Variants in CCSER1 observed in about 807,000 individuals in gnomAD.
CCSER1 encodes the protein serine-rich coiled-coil domain-containing protein 1.
CCSER1 carries 41 observed loss-of-function variants against 82.0 expected under a neutral mutation model. The ratio of observed to expected loss-of-function variants is 0.50; its 90% CI spans 0.39 to 0.65. The LOEUF is 0.65. Ranked by LOEUF, CCSER1 falls within the 30% of genes least tolerant of loss-of-function variation. The pLI is 0.00. For synonymous variants in CCSER1, 414 were observed against 383.9 expected (o/e 1.08, Z -0.92); for missense variants, 1,119 against 1,064.2 (o/e 1.05, Z -0.72).
At chr4:90,138,339 G>A (rs999734672) in intron 1 of CCSER1, among the ~76,000 whole-genome samples, 1 of 151,994 alleles carries the variant, frequency 6.6e-6, no homozygotes, top group African/African-American at 2.4e-5. Context: ...TTACAGGTGC[G>A]CCCCACTACG....
intron 10 of CCSER1, among the ~76,000 whole-genome samples, chr4:91,279,331 T>C (rs1206567441): frequency 1.3e-5 from 2 of 152,166 alleles, no homozygotes; most frequent in Non-Finnish European, 2.9e-5. Context: ...TAAGTGTGTT[T>C]TGTATTCCTT....
chr4:90,141,019 G>GGT (rs1724670343), intron 1 of CCSER1, among the ~76,000 whole-genome samples: 2 of 57,022 alleles, frequency 3.5e-5, no homozygotes, highest in Non-Finnish European at 6.7e-5. Context: ...AACCCAGCAA[G>GGT]ATATCTATCT....
intron 3 of CCSER1, among the ~76,000 whole-genome samples, chr4:90,393,772 CTTTTTTTTT>C (rs997027362): frequency 6.3e-5 from 7 of 111,360 alleles, no homozygotes; most frequent in African/African-American, 1.5e-4. Flanking sequence ...TTATATCTTC[CTTTTTTTTT>C]TTTTTTTTTT....
At chr4:90,973,204 A>T (rs923389123) in intron 9 of CCSER1, among the ~76,000 whole-genome samples, 2 of 151,746 alleles carry the variant, frequency 1.3e-5, no homozygotes, top group Admixed American at 6.6e-5. Flanking sequence ...TAGCAAAGAA[A>T]ACAATCAACA....
At chr4:90,889,251 C>T (rs10006457) in intron 8 of CCSER1, among the ~76,000 whole-genome samples, 4,024 of 152,196 alleles carry the variant, frequency 0.026, 72 homozygotes, top group African/African-American at 0.045. Flanking sequence ...CAGAGAATCT[C>T]GGAACCTGCC....
chr4:90,551,706 C>CTCTCTCTCTCTCTCTCTCTCTATA, intron 5 of CCSER1, among the ~76,000 whole-genome samples: 10 of 104,242 alleles, frequency 9.6e-5, no homozygotes, highest in African/African-American at 4.1e-4. Context: ...CTCTCTCTCT[C>CTCTCTCTCTCTCTCTCTCTCTATA]TATATATATA....
At chr4:91,241,539 G>A (rs566169062) in intron 10 of CCSER1, among the ~76,000 whole-genome samples, 1 of 147,618 alleles carries the variant, frequency 6.8e-6, no homozygotes, top group Non-Finnish European at 1.5e-5. Flanking sequence ...TGTTAGCCAG[G>A]ATGGTCTCGA....
intron 10 of CCSER1, among the ~76,000 whole-genome samples, chr4:91,149,488 T>A (rs1219262754): frequency 6.6e-6 from 1 of 152,238 alleles, no homozygotes; most frequent in Non-Finnish European, 1.5e-5. Context: ...TATAATTAGA[T>A]CCCATTTGTC....
chr4:90,816,392 TATC>T (rs780999197), intron 8 of CCSER1, among the ~76,000 whole-genome samples: 53 of 152,260 alleles, frequency 3.5e-4, no homozygotes, highest in Non-Finnish European at 6.2e-4. Flanking sequence ...TTTAATGTAA[TATC>T]ATGAAAGAAA....
chr4:90,130,966 G>A (rs1165077320), intron 1 of CCSER1, among the ~76,000 whole-genome samples: 2 of 151,876 alleles, frequency 1.3e-5, no homozygotes, highest in Admixed American at 1.3e-4. Context: ...CATTTAAGAA[G>A]ACAAATCTTT....
intron 10 of CCSER1, among the ~76,000 whole-genome samples, chr4:91,567,466 C>T (rs143384985): frequency 1.4e-4 from 21 of 152,056 alleles, no homozygotes; most frequent in African/African-American, 4.8e-4. Context: ...TTATCTAATA[C>T]TGTCAGTGAA....
At chr4:90,404,055 G>T (rs1266312532) in intron 4 of CCSER1, 3 of 152,204 alleles carry the variant, frequency 2.0e-5, no homozygotes, top group Non-Finnish European at 4.4e-5. Flanking sequence ...GAGGCTCGTG[G>T]TCCGGGGCAA....
intron 10 of CCSER1, among the ~76,000 whole-genome samples, chr4:91,364,174 G>A (rs1655423694): frequency 1.3e-5 from 2 of 152,080 alleles, no homozygotes; most frequent in East Asian, 1.9e-4. Context: ...TTGATTTATT[G>A]TTTGATTATA....
intron 1 of CCSER1, among the ~76,000 whole-genome samples, chr4:90,140,771 T>A (rs1230584132): frequency 1.3e-5 from 2 of 150,482 alleles, no homozygotes; most frequent in Non-Finnish European, 2.9e-5. Context: ...TTCAAGGGAT[T>A]CTCCTGCCTC....
chr4:90,406,619 T>C (rs1578311772), intron 4 of CCSER1, among the ~76,000 whole-genome samples: 1 of 152,270 alleles, frequency 6.6e-6, no homozygotes, highest in Non-Finnish European at 1.5e-5. Flanking sequence ...TAAACAAGTC[T>C]CAGTAAATTT....
intron 9 of CCSER1, among the ~76,000 whole-genome samples, chr4:90,965,004 T>C (rs1561426356): frequency 6.6e-6 from 1 of 152,018 alleles, no homozygotes; most frequent in African/African-American, 2.4e-5. Context: ...GCCTTATCTA[T>C]GTGGAGCTAC....
rs1734934472 is a variant in CCSER1, at chr4:90,309,557, C to A, written c.1273C>A (p.His425Asn). The change falls in exon 2 of 11, where the codon CAT (histidine) becomes AAT (asparagine). Residue 425 changes from histidine (H) to asparagine (N), a missense_variant. Physicochemically the swap from His to Asn is moderately conservative, Grantham distance 68 (BLOSUM62 1). Transcript: ENST00000509176. ...AAAGATAATACCTACTTCTGGTGATCATCATATTTTTAACAAAACATCACA... is the reference window on the plus strand; with the variant it reads ...AAAGATAATACCTACTTCTGGTGATAATCATATTTTTAACAAAACATCACA... ...DSKIIPTSGD[H>N]HIFNKTSHGY... 6.2e-7 allele frequency: 1 copy of A among 1,605,784 alleles called. No individual in the cohort carries two copies. The highest frequency in any genetic ancestry group is 1.3e-5 in the African/African-American group (1 of 74,436).
At chr4:91,439,701 G>C (rs1433782549) in intron 10 of CCSER1, among the ~76,000 whole-genome samples, 5 of 152,024 alleles carry the variant, frequency 3.3e-5, no homozygotes, top group Non-Finnish European at 7.4e-5. Flanking sequence ...CCATCAGTGT[G>C]CTGTATTCAG....
At chr4:90,216,832 C>G (rs1420236040) in intron 1 of CCSER1, among the ~76,000 whole-genome samples, 1 of 152,090 alleles carries the variant, frequency 6.6e-6, no homozygotes, top group Admixed American at 6.6e-5. Flanking sequence ...GGTCACTTGG[C>G]AACCAACAGG....
Sources: gnomAD v4.1 joint callset for allele counts (sites outside exome capture counted in the v4.1 genomes callset) on GRCh38, gnomAD v4.1.1 for gene constraint, MANE v1.5 for transcripts, NCBI Gene and HGNC (gene_info 2026-07-23, HGNC 2026-07-21) for gene names.